UGT3A1: variants seen among roughly 807,000 people sequenced by gnomAD.
UGT3A1 encodes the protein UDP-glycosyltransferase 3A1.
Under a neutral mutation model 37.6 loss-of-function variants are expected in UGT3A1, and 40 were observed. That is an observed-to-expected ratio of 1.06 (90% confidence interval 0.83 to 1.38). The LOEUF is 1.38. UGT3A1 is among the 40% of genes most tolerant of loss of function. The pLI is 0.00. For missense variants in UGT3A1, 642 were observed against 634.2 expected (o/e 1.01, Z -0.13); for synonymous variants, 256 against 232.3 (o/e 1.10, Z -0.93).
At chr5:35,999,141 G>A (rs898086201) in intron 1 of UGT3A1, among the ~76,000 whole-genome samples, 3 of 150,940 alleles carry the variant, frequency 2.0e-5, no homozygotes, top group African/African-American at 7.3e-5. Flanking sequence ...GGAGGCTGAG[G>A]CAGGAGAATG....
chr5:35,963,082 G>A (rs1739655202), intron 4 of UGT3A1: 1 of 623,852 alleles, frequency 1.6e-6, no homozygotes, highest in African/African-American at 1.8e-5. Context: ...GCAACTTTAT[G>A]GATGCCACCC....
At chr5:35,980,831 A>C (rs1318960180) in intron 2 of UGT3A1, among the ~76,000 whole-genome samples, 1 of 152,230 alleles carries the variant, frequency 6.6e-6, no homozygotes, top group African/African-American at 2.4e-5. Flanking sequence ...ATGACAGATA[A>C]AGATGTTGTA....
chr5:35,962,247 C>G (rs1739614705), intron 4 of UGT3A1: 1 of 152,458 alleles, frequency 6.6e-6, no homozygotes, highest in Middle Eastern at 3.4e-3. Flanking sequence ...TTCTGGAAAG[C>G]CTCTATCTAT....
At chr5:35,974,339 G>T (rs914335010) in intron 2 of UGT3A1, among the ~76,000 whole-genome samples, 3 of 152,138 alleles carry the variant, frequency 2.0e-5, no homozygotes, top group Non-Finnish European at 4.4e-5. Flanking sequence ...AGATATACTC[G>T]GTATTGGCAG....
At chr5:35,982,714 G>A (rs559436374) in intron 2 of UGT3A1, among the ~76,000 whole-genome samples, 22 of 152,286 alleles carry the variant, frequency 1.4e-4, no homozygotes, top group African/African-American at 4.1e-4. Flanking sequence ...GAAATGGCAC[G>A]GTTTTGTTTT....
chr5:35,982,504 C>T (rs1007794535), intron 2 of UGT3A1, among the ~76,000 whole-genome samples: 3 of 152,162 alleles, frequency 2.0e-5, no homozygotes, highest in Non-Finnish European at 4.4e-5. Flanking sequence ...GGCCTATAGC[C>T]CCTTTGTTTA....
chr5:35,990,352 C>T (rs923065282), intron 1 of UGT3A1, among the ~76,000 whole-genome samples: 1 of 152,006 alleles, frequency 6.6e-6, no homozygotes, highest in African/African-American at 2.4e-5. Flanking sequence ...AAAAGGAATC[C>T]TTTAGCGCCC....
intron 2 of UGT3A1, among the ~76,000 whole-genome samples, chr5:35,972,095 C>T (rs1740066302): frequency 6.6e-6 from 1 of 152,080 alleles, no homozygotes; most frequent in African/African-American, 2.4e-5. Flanking sequence ...ATTTTTTTCC[C>T]AGGCAGAGAA....
intron 1 of UGT3A1, among the ~76,000 whole-genome samples, chr5:36,000,745 A>G (rs1741205159): frequency 6.6e-6 from 1 of 152,220 alleles, no homozygotes; most frequent in Non-Finnish European, 1.5e-5. Flanking sequence ...GTCCATTACA[A>G]TTATATATAG....
upstream of UGT3A1, among the ~76,000 whole-genome samples, chr5:35,993,200 T>G (rs1741002832): frequency 6.6e-6 from 1 of 152,148 alleles, no homozygotes; most frequent in South Asian, 2.1e-4. Flanking sequence ...GCACGGTGGC[T>G]CACGCCTGTA....
At chr5:35,973,383 A>G (rs983230644) in intron 2 of UGT3A1, among the ~76,000 whole-genome samples, 1 of 152,196 alleles carries the variant, frequency 6.6e-6, no homozygotes, top group Admixed American at 6.5e-5. Context: ...GGTGAAAGGT[A>G]TGTAAAGTTT....
At chr5:35,977,245 C>T (rs2149978028) in intron 2 of UGT3A1, among the ~76,000 whole-genome samples, 1 of 152,200 alleles carries the variant, frequency 6.6e-6, no homozygotes, top group Non-Finnish European at 1.5e-5. Flanking sequence ...AAATGTCTAT[C>T]AACAGAAAAC....
chr5:35,957,106 A>T, intron 5 of UGT3A1, 82 bp downstream of exon 5: 2 of 1,201,152 alleles, frequency 1.7e-6, no homozygotes, highest in Non-Finnish European at 2.4e-6. Flanking sequence ...GCTGATACAA[A>T]TGCCCAGCTA....
chr5:35,969,271 T>A (rs541648535), intron 2 of UGT3A1, among the ~76,000 whole-genome samples: 55 of 152,282 alleles, frequency 3.6e-4, no homozygotes, highest in African/African-American at 1.3e-3. Context: ...GCTGATTATA[T>A]CTCTGTAGCT....
At chr5:35,961,837 T>TA (rs771251104) in intron 4 of UGT3A1, 1 of 152,218 alleles carries the variant, frequency 6.6e-6, no homozygotes, top group Non-Finnish European at 1.5e-5. Flanking sequence ...CTTCACTGAA[T>TA]CAGAAGATAC....
At chr5:35,998,792 G>A (rs1186335707) in intron 1 of UGT3A1, among the ~76,000 whole-genome samples, 1 of 152,150 alleles carries the variant, frequency 6.6e-6, no homozygotes, top group Non-Finnish European at 1.5e-5. Flanking sequence ...AAGTGGAGTT[G>A]CCAAATTGAT....
chr5:35,964,420 C>A (rs1381728057), intron 4 of UGT3A1, among the ~76,000 whole-genome samples: 3 of 152,112 alleles, frequency 2.0e-5, no homozygotes, highest in African/African-American at 7.2e-5. Context: ...ACCTGGGGTG[C>A]TTTCCCTCCC....
chr5:35,984,720 A>G (rs545083495), intron 2 of UGT3A1, among the ~76,000 whole-genome samples: 79 of 151,902 alleles, frequency 5.2e-4, no homozygotes, highest in Non-Finnish European at 9.0e-4. Context: ...TGATCCACCC[A>G]CCTCGGCTTC....
intron 2 of UGT3A1, among the ~76,000 whole-genome samples, chr5:35,972,982 C>A (rs943064527): frequency 1.3e-5 from 2 of 151,908 alleles, no homozygotes; most frequent in Non-Finnish European, 1.5e-5. Flanking sequence ...CAATTTAATT[C>A]TCCACCTTGC....
Sources: allele counts gnomAD v4.1 joint callset (sites outside exome capture counted in the v4.1 genomes callset), GRCh38; gene constraint gnomAD v4.1.1; transcripts MANE v1.5; gene names NCBI Gene and HGNC (gene_info 2026-07-23, HGNC 2026-07-21).